BLMH: variants seen among roughly 807,000 people sequenced by gnomAD.
The protein encoded by BLMH is bleomycin hydrolase, also known as BLM hydrolase.
Under a neutral mutation model 61.6 loss-of-function variants are expected in BLMH, and 32 were observed. The observed-to-expected ratio is 0.52, with a 90% CI of 0.39 to 0.70. The LOEUF (loss-of-function observed/expected upper bound fraction) is 0.70, where lower values mean the gene tolerates loss of function less well. Ranked by LOEUF, BLMH falls within the 30% of genes least tolerant of loss-of-function variation. BLMH has a pLI of 0.00. For missense variants in BLMH, 460 were observed against 555.5 expected, an observed-to-expected ratio of 0.83 and a Z score of 1.73; for synonymous variants, 183 against 193.8, an observed-to-expected ratio of 0.94 and a Z score of 0.46.
At chr17:30,289,854 A>T (rs973094738) in intron 2 of BLMH, among the ~76,000 whole-genome samples, 7 of 152,202 alleles carry the variant, frequency 4.6e-5, no homozygotes, top group African/African-American at 1.7e-4. Flanking sequence ...TCTGAGGGAA[A>T]AACTTTGACT....
chr17:30,278,942 G>A (rs1908501541), intron 6 of BLMH, among the ~76,000 whole-genome samples: 1 of 152,208 alleles, frequency 6.6e-6, no homozygotes, highest in African/African-American at 2.4e-5. Context: ...TGGGATTATA[G>A]GCGTAAGCCG....
intron 11 of BLMH, among the ~76,000 whole-genome samples, chr17:30,251,366 G>A (rs984745347): frequency 2.0e-5 from 3 of 152,202 alleles, no homozygotes; most frequent in African/African-American, 4.8e-5. Flanking sequence ...ACTGAAGTCC[G>A]TATATTTAAA....
At chr17:30,272,227 A>G (rs909895340) in intron 9 of BLMH, 1 of 283,748 alleles carries the variant, frequency 3.5e-6, no homozygotes, top group Non-Finnish European at 6.6e-6. Flanking sequence ...GGCTCTGGAA[A>G]ATCTTTCATT....
chr17:30,261,966 G>C (rs973680358), intron 11 of BLMH, among the ~76,000 whole-genome samples: 3 of 152,160 alleles, frequency 2.0e-5, no homozygotes. Flanking sequence ...AGGCTCACTT[G>C]TAAGAAAAGA....
At chr17:30,273,618 G>C (rs753128139) in intron 7 of BLMH, 4 of 188,212 alleles carry the variant, frequency 2.1e-5, no homozygotes, top group Non-Finnish European at 4.3e-5. Flanking sequence ...CTCCTACTAG[G>C]CAGATGAGGA....
intron 2 of BLMH, among the ~76,000 whole-genome samples, 163 bp from the exon 3 acceptor site, chr17:30,289,645 A>C (rs1381250952): frequency 6.6e-6 from 1 of 152,248 alleles, no homozygotes; most frequent in African/African-American, 2.4e-5. Context: ...GGTGGTAATT[A>C]TTATTAGCAA....
In BLMH at chr17:30,251,957, AT is replaced by A. The variant is rs1907678864; in HGVS notation, c.1217-2790del. Reference sequence around the variant, plus strand: ...ACAATATATTTTGAGGAAAAAAATTATATTATGTAAAAAAATATTTTTAGTT... The same window carrying A: ...ACAATATATTTTGAGGAAAAAAATTAATTATGTAAAAAAATATTTTTAGTT... On this transcript the variant is annotated intron_variant, in intron 11 of 11. Coordinates refer to ENST00000261714, the MANE Select transcript of BLMH (RefSeq NM_000386.4). 2.0e-5 allele frequency: 3 copies of A among 151,860 alleles called. No homozygotes were observed. In the East Asian group the frequency reaches 5.8e-4, roughly 29 times the overall value. 9.4% of individuals were successfully genotyped at this position (151,860 alleles called of 1,614,324 possible).
intron 6 of BLMH, among the ~76,000 whole-genome samples, chr17:30,278,782 G>T (rs936782809): frequency 6.6e-5 from 10 of 152,154 alleles, no homozygotes; most frequent in Non-Finnish European, 5.9e-5. Flanking sequence ...CATTTCTCAT[G>T]CCTCAGCCTC....
chr17:30,282,046 G>T (rs1161081211), intron 6 of BLMH, among the ~76,000 whole-genome samples: 1 of 151,790 alleles, frequency 6.6e-6, no homozygotes, highest in African/African-American at 2.4e-5. Context: ...TATTGGTTTT[G>T]GTCTTTGATT....
In BLMH at chr17:30,286,828, T is replaced by C. The variant is rs1175352754; in HGVS notation, c.538A>G (p.Ile180Val). The C allele has an allele frequency of 6.3e-7, 1 of 1,586,984 alleles. No homozygotes were observed. The highest frequency in any genetic ancestry group is 8.7e-7 in the Non-Finnish European group (1 of 1,155,758). ...ATATATTGTACCTTGTGATTCAGAA[T>C]ATCATTCATCCTTCTGGTTGCCTCT... ...TTEATRRMND[I>V]LNHKMREFCI... The change falls in exon 5 of 12, where the codon ATT becomes GTT. Residue 180 changes from isoleucine (I) to valine (V), a missense_variant. Around this residue, in one of 5 missense-constraint regions of BLMH, gnomAD observed 310 missense variants for 371.1 expected, o/e 0.84. Transcript: ENST00000261714.
At chr17:30,255,698 A>ACCAGCCTGG (rs1438166103) in intron 11 of BLMH, among the ~76,000 whole-genome samples, 1 of 152,172 alleles carries the variant, frequency 6.6e-6, no homozygotes, top group African/African-American at 2.4e-5. Context: ...GGAGTTCGAG[A>ACCAGCCTGG]CCAGCCTGGC....
At chr17:30,270,224 G>A (rs1192104239) in intron 10 of BLMH, among the ~76,000 whole-genome samples, 1 of 152,224 alleles carries the variant, frequency 6.6e-6, no homozygotes, top group African/African-American at 2.4e-5. Flanking sequence ...TTCTAGCTGG[G>A]TGCGGTGGCT....
At chr17:30,256,499 T>C (rs7221760) in intron 11 of BLMH, among the ~76,000 whole-genome samples, 4,593 of 152,146 alleles carry the variant, frequency 0.03, 231 homozygotes, top group African/African-American at 0.1. Context: ...CAGCTAATTT[T>C]TCGTATTTTT....
At position 30,271,405 on chromosome 17, in the gene BLMH, AG is replaced by A. The variant is rs1908267732; in HGVS notation, c.1029-18del. On this transcript the variant is annotated intron_variant, in intron 9 of 11. Transcript: ENST00000261714. ...TGGTCATAGCTGTAAAAAGAATGAT[AG>A]TACAAAATAAAGGGAGTACGATCAT... is the stretch of plus-strand genomic sequence containing the variant. 6.3e-7 allele frequency: 1 copy of A among 1,592,450 alleles called. No individual in the cohort carries two copies. Among genetic ancestry groups the A allele is most frequent in the African/African-American group, 1.3e-5 (1 of 74,584 alleles).
chr17:30,255,385 G>A (rs1464866995), intron 11 of BLMH, among the ~76,000 whole-genome samples: 1 of 152,114 alleles, frequency 6.6e-6, no homozygotes, highest in Non-Finnish European at 1.5e-5. Flanking sequence ...ATCACCTAAT[G>A]ACGCATTTCA....
At chr17:30,281,310 A>T (rs930234789) in intron 6 of BLMH, among the ~76,000 whole-genome samples, 2 of 152,096 alleles carry the variant, frequency 1.3e-5, no homozygotes, top group African/African-American at 2.4e-5. Context: ...TATCAAAGAA[A>T]GAAACAGAAA....
At chr17:30,250,942 G>A (rs549651106) in intron 11 of BLMH, among the ~76,000 whole-genome samples, 2 of 152,286 alleles carry the variant, frequency 1.3e-5, no homozygotes, top group South Asian at 2.1e-4. Flanking sequence ...TAGCAACTTC[G>A]ATGGAGCTGG....
chr17:30,276,004 A>C (rs1428086262), intron 6 of BLMH, among the ~76,000 whole-genome samples: 5 of 152,106 alleles, frequency 3.3e-5, no homozygotes, highest in African/African-American at 1.2e-4. Flanking sequence ...CTCTCAAGGT[A>C]TATTTCCCTC....
chr17:30,249,243 A>G (rs1907610140), intron 11 of BLMH, 75 bp from the exon 12 acceptor site: 1 of 1,453,304 alleles, frequency 6.9e-7, no homozygotes, highest in Non-Finnish European at 9.4e-7. Flanking sequence ...TGTAGGATAA[A>G]CCTTTTACAA....
Sources: gnomAD v4.1 joint callset for allele counts (sites outside exome capture counted in the v4.1 genomes callset) on GRCh38, gnomAD v4.1.1 for gene constraint, gnomAD v4.1.1 regional missense constraint, MANE v1.5 for transcripts, NCBI Gene and HGNC (gene_info 2026-07-23, HGNC 2026-07-21) for gene names.